BLTP1: variants seen among roughly 807,000 people sequenced by gnomAD.
BLTP1 encodes the protein fragile site-associated protein.
chr4:122,349,722 A>AG, the BLTP1 span: 9 of 1,531,326 alleles, frequency 5.9e-6, no homozygotes, highest in Non-Finnish European at 7.9e-6. This position sits in a 1 kb window ranked among gnomAD's most constrained non-coding sequence, Gnocchi z 4.5. Flanking sequence ...AGAAAACAGC[A>AG]ATTTTTCTTA....
chr4:122,318,198 A>G, the BLTP1 span: 256 of 1,610,488 alleles, frequency 1.6e-4, no homozygotes, highest in Non-Finnish European at 2.1e-4. Flanking sequence ...AACGTTACCA[A>G]CAGTTAGAAT....
the BLTP1 span, among the ~76,000 whole-genome samples, chr4:122,355,110 T>C: frequency 1.2e-4 from 18 of 152,304 alleles, no homozygotes; most frequent in African/African-American, 4.3e-4. Flanking sequence ...AGATTATGCC[T>C]GTACTGACTA....
the BLTP1 span, chr4:122,201,110 G>C: frequency 3.1e-6 from 5 of 1,610,182 alleles, no homozygotes; most frequent in Admixed American, 1.7e-5. Context: ...TCTTTGCACA[G>C]AAAAACTTCT....
chr4:122,304,272 C>T, the BLTP1 span, among the ~76,000 whole-genome samples: 1 of 152,152 alleles, frequency 6.6e-6, no homozygotes, highest in African/African-American at 2.4e-5. Context: ...AGTGCAGTTG[C>T]ATGATCTCGG....
At chr4:122,230,332 A>G in the BLTP1 span, 17 of 798,500 alleles carry the variant, frequency 2.1e-5, no homozygotes, top group East Asian at 3.6e-4. Flanking sequence ...ACCTAACATG[A>G]TTGTGCTGCT....
the BLTP1 span, among the ~76,000 whole-genome samples, chr4:122,311,321 G>T: frequency 6.6e-6 from 1 of 152,174 alleles, no homozygotes; most frequent in South Asian, 2.1e-4. Flanking sequence ...GGTTTTAGAG[G>T]GGACTAACTG....
the BLTP1 span, among the ~76,000 whole-genome samples, chr4:122,321,306 C>G: frequency 6.6e-6 from 1 of 151,950 alleles, no homozygotes; most frequent in Non-Finnish European, 1.5e-5. Context: ...AGTGGGAGTA[C>G]CTTAAAACAA....
the BLTP1 span, chr4:122,272,505 A>AT: frequency 9.2e-7 from 1 of 1,084,582 alleles, no homozygotes; most frequent in Non-Finnish European, 1.3e-6. Flanking sequence ...CCTAATTGGC[A>AT]AATTTTTTTT....
chr4:122,186,600 A>G, the BLTP1 span, among the ~76,000 whole-genome samples: 2 of 152,024 alleles, frequency 1.3e-5, no homozygotes, highest in Non-Finnish European at 2.9e-5. Flanking sequence ...TGTGCCTCAT[A>G]TAGTGTGTAT....
At chr4:122,171,139 A>G in the BLTP1 span, among the ~76,000 whole-genome samples, 1 of 152,218 alleles carries the variant, frequency 6.6e-6, no homozygotes, top group Non-Finnish European at 1.5e-5. Context: ...ATAGAATTAT[A>G]TGCCTAATCT....
chr4:122,329,099 A>T, the BLTP1 span, among the ~76,000 whole-genome samples: 1 of 151,836 alleles, frequency 6.6e-6, no homozygotes, highest in African/African-American at 2.4e-5. Flanking sequence ...ATACATCAGC[A>T]TATTTGGTTT....
the BLTP1 span, among the ~76,000 whole-genome samples, chr4:122,355,135 C>G: frequency 2.0e-5 from 3 of 152,064 alleles, no homozygotes; most frequent in South Asian, 6.2e-4. Flanking sequence ...ACCTTCCAAA[C>G]AGGGATTTGG....
the BLTP1 span, chr4:122,204,238 A>G: frequency 1.6e-6 from 1 of 614,384 alleles, no homozygotes; most frequent in Non-Finnish European, 2.0e-6. Context: ...TGAAGCTGAC[A>G]AATGCATGTA....
chr4:122,258,421 A>G, the BLTP1 span, among the ~76,000 whole-genome samples: 4 of 152,208 alleles, frequency 2.6e-5, no homozygotes, highest in South Asian at 2.1e-4. Flanking sequence ...ATTATCTGCA[A>G]ATCCCTCTGT....
the BLTP1 span, chr4:122,188,206 C>A: frequency 8.5e-7 from 1 of 1,178,280 alleles, no homozygotes; most frequent in Non-Finnish European, 1.1e-6. Context: ...AGGTATATTT[C>A]TCTATTAAAG....
the BLTP1 span, chr4:122,177,868 TATTTTTCTCATGC>T: frequency 6.6e-6 from 1 of 152,448 alleles, no homozygotes; most frequent in Non-Finnish European, 1.5e-5. Flanking sequence ...TTCAATGCTG[TATTTTTCTCATGC>T]ATTCCTTGAT....
the BLTP1 span, among the ~76,000 whole-genome samples, chr4:122,323,956 G>A: frequency 6.6e-6 from 1 of 151,842 alleles, no homozygotes; most frequent in East Asian, 1.9e-4. Flanking sequence ...TCTAGAAGAG[G>A]GACTTAGAGA....
the BLTP1 span, chr4:122,249,508 G>A: frequency 6.2e-7 from 1 of 1,613,460 alleles, no homozygotes. Context: ...TGCAATCACT[G>A]CTATTCCTTT....
the BLTP1 span, among the ~76,000 whole-genome samples, chr4:122,165,975 C>T: frequency 2.0e-5 from 3 of 151,288 alleles, no homozygotes; most frequent in Non-Finnish European, 2.9e-5. Flanking sequence ...GGATATTAGC[C>T]CTTTGTCAGA....
Sources: allele counts gnomAD v4.1 joint callset (sites outside exome capture counted in the v4.1 genomes callset), GRCh38; gene constraint gnomAD v4.1.1; non-coding constraint Gnocchi (gnomAD v3.1); transcripts MANE v1.5; gene names NCBI Gene and HGNC (gene_info 2026-07-23, HGNC 2026-07-21).